Variants in SLC5A8 observed in about 807,000 individuals in gnomAD.
SLC5A8 encodes the protein sodium-coupled monocarboxylate transporter 1.
Under a neutral mutation model 71.9 loss-of-function variants are expected in SLC5A8, and 55 were observed. That is an observed-to-expected ratio of 0.77 (90% CI 0.62 to 0.96). The LOEUF is 0.96. Among genes scored for constraint, SLC5A8 ranks in the 40% least tolerant of loss-of-function variants. The probability of loss-of-function intolerance (pLI) is 0.00; values close to 1 mark genes in which losing one functional copy is unlikely to be tolerated. For synonymous variants in SLC5A8, 307 were observed against 276.1 expected, an observed-to-expected ratio of 1.11 and a Z score of -1.11; for missense variants, 701 against 745.3, an observed-to-expected ratio of 0.94 and a Z score of 0.69.
chr12:101,184,083 AAG>A, intron 8 of SLC5A8, 49 bp downstream of exon 8: 1 of 1,564,520 alleles, frequency 6.4e-7, no homozygotes, highest in Middle Eastern at 1.7e-4. Flanking sequence ...CTAATAATAA[AAG>A]AAAGATCCCA....
At chr12:101,170,271 A>G (rs1229317984) in intron 10 of SLC5A8, among the ~76,000 whole-genome samples, 1 of 152,180 alleles carries the variant, frequency 6.6e-6, no homozygotes, top group Non-Finnish European at 1.5e-5. Context: ...GAGGTGAAAG[A>G]CCCTTCAGGT....
chr12:101,184,827 T>C (rs974043064), intron 7 of SLC5A8, among the ~76,000 whole-genome samples: 1 of 152,200 alleles, frequency 6.6e-6, no homozygotes, highest in South Asian at 2.1e-4. Flanking sequence ...GTTAAAAAAC[T>C]TCCTGATACT....
chr12:101,186,354 T>A (rs1389945295), intron 7 of SLC5A8, among the ~76,000 whole-genome samples: 1 of 152,172 alleles, frequency 6.6e-6, no homozygotes. Context: ...TGTTTTTATT[T>A]TCTCGGCCCA....
chr12:101,180,008 C>A, intron 10 of SLC5A8, 21 bp downstream of exon 10: 1 of 1,613,696 alleles, frequency 6.2e-7, no homozygotes, highest in South Asian at 1.1e-5. Flanking sequence ...ATGACTTAAA[C>A]CTCCAGGGGC....
rs1225894952 is a variant in SLC5A8 at position 101,200,041 on chromosome 12, AAAAAAAAAAAAAAG to A, written c.469+2109_469+2122del. Among the ~76,000 whole-genome samples, 22 of 100,870 alleles carry A rather than the reference AAAAAAAAAAAAAAG, an allele frequency of 2.2e-4. 1 individual carries two copies. Among genetic ancestry groups the A allele is most frequent in the African/African-American group, 9.0e-4 (20 of 22,260 alleles). 66.2% of individuals were successfully genotyped at this position (100,870 alleles called of 152,430 possible). A position where few individuals can be genotyped will look rare whatever the true frequency, so the allele number is the denominator to read the frequency against. On this transcript the variant is annotated intron_variant, in intron 3 of 14. Coordinates refer to ENST00000536262, the MANE Select transcript of SLC5A8 (RefSeq NM_145913.5). ...AAAAAAAAAAAAAAAAAAAAAAAAA[AAAAAAAAAAAAAAG>A]GGAATGAACTACTGATATATATGTA... is the stretch of plus-strand genomic sequence containing the variant.
intron 12 of SLC5A8, among the ~76,000 whole-genome samples, chr12:101,163,127 T>A (rs574474185): frequency 6.6e-6 from 1 of 152,142 alleles, no homozygotes; most frequent in Non-Finnish European, 1.5e-5. Flanking sequence ...GATTACAAGA[T>A]GAAAGATAGG....
chr12:101,182,903 G>A lies in SLC5A8; in HGVS notation c.1065C>T (p.Ser355=), dbSNP rs781533001. The change falls in exon 9 of 15, where the codon TCC becomes TCT. Residue 355 remains serine, a synonymous_variant. Transcript: ENST00000536262. ...TTACTGCTGCTAAGGCATTAATACTGGAGGACACTGTGCTGTAAGGGAAAA... is the reference window on the plus strand; with the variant it reads ...TTACTGCTGCTAAGGCATTAATACTAGAGGACACTGTGCTGTAAGGGAAAA... The part of the protein sequence containing the change: ...AYSGTLSTVS[S]SINALAAVTV... The A allele has an allele frequency of 6.4e-6, 10 of 1,570,688 alleles. No individual in the cohort carries two copies. The highest frequency in any genetic ancestry group is 7.7e-6 in the Non-Finnish European group (9 of 1,162,964).
intron 6 of SLC5A8, among the ~76,000 whole-genome samples, chr12:101,189,691 C>A (rs1017163455): frequency 6.6e-6 from 1 of 152,130 alleles, no homozygotes; most frequent in African/African-American, 2.4e-5. Flanking sequence ...TACCTCTGTG[C>A]GTTCATCCAA....
At chr12:101,176,314 C>G (rs1566311781) in intron 10 of SLC5A8, among the ~76,000 whole-genome samples, 1 of 151,774 alleles carries the variant, frequency 6.6e-6, no homozygotes, top group Non-Finnish European at 1.5e-5. Flanking sequence ...TGAAGCAAAG[C>G]AAAAACTGAT....
chr12:101,180,765 G>A (rs2137142831), intron 9 of SLC5A8, among the ~76,000 whole-genome samples: 1 of 152,018 alleles, frequency 6.6e-6, no homozygotes, highest in East Asian at 1.9e-4. Context: ...TGTTGCCCAG[G>A]CTGGCCTCAA....
At chr12:101,179,084 A>T (rs911517027) in intron 10 of SLC5A8, among the ~76,000 whole-genome samples, 1 of 152,224 alleles carries the variant, frequency 6.6e-6, no homozygotes, top group South Asian at 2.1e-4. Flanking sequence ...CATTAGGGAA[A>T]TGCAAATTAA....
At chr12:101,207,069 A>G (rs1869707692) in intron 1 of SLC5A8, among the ~76,000 whole-genome samples, 1 of 152,218 alleles carries the variant, frequency 6.6e-6, no homozygotes, top group South Asian at 2.1e-4. Flanking sequence ...AATAAACAAT[A>G]TACTCCACAG....
intron 10 of SLC5A8, among the ~76,000 whole-genome samples, chr12:101,173,452 G>T (rs957711218): frequency 2.6e-5 from 4 of 152,186 alleles, no homozygotes; most frequent in African/African-American, 9.7e-5. Context: ...TGTGGCCAGC[G>T]GTAAGCCAGC....
intron 3 of SLC5A8, among the ~76,000 whole-genome samples, chr12:101,198,397 T>C (rs983617413): frequency 2.0e-5 from 3 of 151,898 alleles, no homozygotes; most frequent in Non-Finnish European, 2.9e-5. Context: ...ACTGGAAAGA[T>C]ATATCAAAAT....
intron 6 of SLC5A8, among the ~76,000 whole-genome samples, chr12:101,188,463 A>ACC (rs1218086522): frequency 2.6e-5 from 4 of 151,966 alleles, no homozygotes; most frequent in Admixed American, 2.0e-4. Flanking sequence ...CTTCTTCCCA[A>ACC]CCCCCGCAGG....
intron 3 of SLC5A8, among the ~76,000 whole-genome samples, chr12:101,198,312 A>T (rs998373732): frequency 6.6e-6 from 1 of 151,974 alleles, no homozygotes; most frequent in Non-Finnish European, 1.5e-5. Context: ...AGCACAAATT[A>T]ATGAAATAGA....
At chr12:101,192,491 T>C (rs1356284399) in intron 5 of SLC5A8, among the ~76,000 whole-genome samples, 2 of 151,916 alleles carry the variant, frequency 1.3e-5, no homozygotes, top group Non-Finnish European at 2.9e-5. Flanking sequence ...ACAACATGGG[T>C]TGTCCCTTTC....
At position 101,209,599 on chromosome 12, in the gene SLC5A8, T is replaced by C; in HGVS notation, c.250A>G (p.Ile84Val). ...TPSEVYRFGA[I>V]FSIFAFTYFF... is the part of the protein sequence containing the mutation. ...TAGGTGAAGGCAAAGATGCTAAAAA[T>C]GGCCCCAAAACGGTAGACCTCGGAG... The change falls in exon 1 of 15, where the codon ATT (isoleucine) becomes GTT (valine). Residue 84 changes from isoleucine to valine, a missense_variant. Physicochemically the swap from Ile to Val is conservative, Grantham distance 29. Transcript: ENST00000536262. 6.2e-7 allele frequency: 1 copy of C among 1,613,936 alleles called. No homozygotes were observed. The highest frequency in any genetic ancestry group is 8.5e-7 in the Non-Finnish European group (1 of 1,180,010).
At chr12:101,208,500 T>C (rs1869770231) in intron 1 of SLC5A8, among the ~76,000 whole-genome samples, 1 of 152,134 alleles carries the variant, frequency 6.6e-6, no homozygotes. Flanking sequence ...GGCACTGAAC[T>C]GGGCCCCGCC....
Sources: gnomAD v4.1 joint callset for allele counts (sites outside exome capture counted in the v4.1 genomes callset) on GRCh38, gnomAD v4.1.1 for gene constraint, MANE v1.5 for transcripts, NCBI Gene and HGNC (gene_info 2026-07-23, HGNC 2026-07-21) for gene names.